DGCR2: variants seen among roughly 807,000 people sequenced by gnomAD.
DGCR2 encodes DiGeorge syndrome critical region gene 2.
DGCR2 carries 24 observed loss-of-function variants against 51.6 expected under a neutral mutation model. The ratio of observed to expected loss-of-function variants is 0.47; its 90% CI spans 0.34 to 0.65. The LOEUF (loss-of-function observed/expected upper bound fraction) is 0.65. DGCR2 is among the 30% of genes least tolerant of loss of function. The pLI, the probability that DGCR2 is intolerant of heterozygous loss-of-function variation, is 0.01. For synonymous variants in DGCR2, 340 were observed against 315.4 expected, an observed-to-expected ratio of 1.08 and a Z score of -0.82; for missense variants, 765 against 772.1, an observed-to-expected ratio of 0.99 and a Z score of 0.11.
At chr22:19,061,816 C>T (rs1034246458) in intron 5 of DGCR2, 42 of 152,306 alleles carry the variant, frequency 2.8e-4, no homozygotes, top group African/African-American at 9.4e-4. Flanking sequence ...GCCCCTTGCA[C>T]GTTGAGCCAC....
chr22:19,083,911 G>A (rs927150139), intron 2 of DGCR2, among the ~76,000 whole-genome samples: 2 of 152,128 alleles, frequency 1.3e-5, no homozygotes, highest in Admixed American at 6.5e-5. Context: ...TGGTGGAGAC[G>A]GGGTTTTGCT....
chr22:19,108,376 G>A (rs572997440), intron 1 of DGCR2, among the ~76,000 whole-genome samples: 1 of 151,940 alleles, frequency 6.6e-6, no homozygotes, highest in African/African-American at 2.4e-5. Flanking sequence ...TTGGAGACCA[G>A]CTTGGGCAAC....
At chr22:19,073,755 G>A (rs1036344940) in intron 2 of DGCR2, among the ~76,000 whole-genome samples, 13 of 152,232 alleles carry the variant, frequency 8.5e-5, no homozygotes, top group Admixed American at 7.2e-4. Flanking sequence ...CTTCAGACAT[G>A]CAAACAAGGA....
At position 19,068,231 on chromosome 22, in the gene DGCR2, A is replaced by C; in HGVS notation, c.203-6T>G. On this transcript the variant is annotated splice_region_variant and splice_polypyrimidine_tract_variant and intron_variant, in intron 2 of 9. Transcript: ENST00000263196. Reference sequence around the variant, plus strand: ...ACGCACCTCCCCGGTCACTTCTGAAAGCAAAAGGAGATGTGTGCTGTGAGT... The same window carrying C: ...ACGCACCTCCCCGGTCACTTCTGAACGCAAAAGGAGATGTGTGCTGTGAGT... 6.3e-7 allele frequency: 1 copy of C among 1,587,046 alleles called. No individual in the cohort carries two copies. Among genetic ancestry groups the C allele is most frequent in the South Asian group, 1.1e-5 (1 of 87,062 alleles).
At chr22:19,046,256 G>A (rs972416752) in intron 7 of DGCR2, 2 of 151,988 alleles carry the variant, frequency 1.3e-5, no homozygotes, top group South Asian at 2.1e-4. Context: ...TTATAATTGG[G>A]TATTTCATTT....
chr22:19,113,565 G>C (rs1030842097), intron 1 of DGCR2, among the ~76,000 whole-genome samples: 2 of 152,076 alleles, frequency 1.3e-5, no homozygotes, highest in Non-Finnish European at 2.9e-5. Flanking sequence ...CCAGCGCTCT[G>C]TGGGAAAATG....
chr22:19,057,453 G>A lies in DGCR2; in HGVS notation c.626-291C>T, dbSNP rs770254554. On this transcript the variant is annotated intron_variant, in intron 5 of 9. Transcript: ENST00000263196. The surrounding 1 kb of genome is among the most constrained non-coding windows in gnomAD (Gnocchi z 5.1). ...GCACCAGAAGAGGGTGCTGGATCAC[G>A]GTTAGTGGGTGGCATTTAAAGTTAG... Among the ~76,000 whole-genome samples, 3 of 152,236 alleles carry A rather than the reference G, an allele frequency of 2.0e-5. No individual in the cohort carries two copies. The highest frequency in any genetic ancestry group is 2.9e-5 in the Non-Finnish European group (2 of 68,044).
chr22:19,097,382 C>T (rs758938711), intron 1 of DGCR2, among the ~76,000 whole-genome samples: 6 of 152,080 alleles, frequency 3.9e-5, no homozygotes, highest in Non-Finnish European at 7.4e-5. Context: ...GTTGAAACCT[C>T]GTCTCTACTA....
rs964575049 is a variant in DGCR2, at chr22:19,057,340, C to A, written c.626-178G>T. ...GACTCCCCAACCTCCTGGGAGTCAC[C>A]CCAGGTGCTGGGCCTAGCGGGAGCC... On this transcript the variant is annotated intron_variant, in intron 5 of 9. Coordinates refer to ENST00000263196, the MANE Select transcript of DGCR2 (RefSeq NM_005137.3). This position sits in a 1 kb window ranked among gnomAD's most constrained non-coding sequence, Gnocchi z 5.1. Among the ~76,000 whole-genome samples, 2 of 152,164 alleles carry A rather than the reference C, an allele frequency of 1.3e-5. No individual in the cohort carries two copies. Among genetic ancestry groups the A allele is most frequent in the Non-Finnish European group, 2.9e-5 (2 of 68,030 alleles).
chr22:19,048,904 C>G (rs1028607099), intron 6 of DGCR2, among the ~76,000 whole-genome samples: 1 of 152,210 alleles, frequency 6.6e-6, no homozygotes, highest in Admixed American at 6.5e-5. Context: ...ACCTTCCCCA[C>G]CTGGGCCTGG....
chr22:19,055,212 CAT>C (rs1207455780), intron 6 of DGCR2, among the ~76,000 whole-genome samples: 1 of 151,978 alleles, frequency 6.6e-6, no homozygotes, highest in African/African-American at 2.4e-5. Context: ...GATGGTTTAA[CAT>C]AAGAAAATCC....
At chr22:19,104,951 C>A (rs2083246076) in intron 1 of DGCR2, among the ~76,000 whole-genome samples, 1 of 152,212 alleles carries the variant, frequency 6.6e-6, no homozygotes, top group Non-Finnish European at 1.5e-5. Context: ...AACAGGCGAC[C>A]ACGCATCTCC....
chr22:19,110,363 C>T (rs753869206), intron 1 of DGCR2, among the ~76,000 whole-genome samples: 4 of 152,104 alleles, frequency 2.6e-5, no homozygotes, highest in African/African-American at 4.8e-5. Context: ...TTTGTGTGGA[C>T]ACAGCAGGGG....
intron 2 of DGCR2, among the ~76,000 whole-genome samples, chr22:19,075,247 G>T (rs1280344510): frequency 2.0e-5 from 3 of 152,240 alleles, no homozygotes; most frequent in African/African-American, 7.2e-5. Flanking sequence ...CTAACACAGT[G>T]AAACCCCATC....
chr22:19,046,764 C>T (rs1350131235), intron 7 of DGCR2: 1 of 446,490 alleles, frequency 2.2e-6, no homozygotes, highest in African/African-American at 2.0e-5. Context: ...TCTGGCCGTG[C>T]AGGAGAGAGG....
intron 2 of DGCR2, among the ~76,000 whole-genome samples, chr22:19,073,048 G>A (rs558752837): frequency 1.2e-4 from 19 of 152,178 alleles, no homozygotes; most frequent in South Asian, 6.2e-4. Flanking sequence ...CTTGAGGCCA[G>A]GAGTTGGAGA....
At chr22:19,050,409 A>G (rs1225402866) in intron 6 of DGCR2, among the ~76,000 whole-genome samples, 1 of 152,242 alleles carries the variant, frequency 6.6e-6, no homozygotes, top group Non-Finnish European at 1.5e-5. Context: ...TTTCCCAGAC[A>G]AACAACAAGT....
In DGCR2 at chr22:19,113,353, A is replaced by G. The variant is rs533533689; in HGVS notation, c.79+8775T>C. Among the ~76,000 whole-genome samples, 5 of 151,570 alleles carry G rather than the reference A, an allele frequency of 3.3e-5. No individual in the cohort carries two copies. In the South Asian group the frequency reaches 1.0e-3, roughly 32 times the overall value. On this transcript the variant is annotated intron_variant, in intron 1 of 9. Transcript: ENST00000263196. ...CCACTGCACTCCAGCCTGGCAACAG[A>G]GCGAGACTCCGTCTCAAAAAAATAA... is the stretch of plus-strand genomic sequence containing the variant.
chr22:19,093,450 A>T (rs2083102745), intron 1 of DGCR2, among the ~76,000 whole-genome samples: 2 of 152,122 alleles, frequency 1.3e-5, no homozygotes, highest in Non-Finnish European at 2.9e-5. Context: ...ACAAGAAGAA[A>T]ATCTTCGCAC....
Sources: allele counts gnomAD v4.1 joint callset (sites outside exome capture counted in the v4.1 genomes callset), GRCh38; gene constraint gnomAD v4.1.1; non-coding constraint Gnocchi (gnomAD v3.1); transcripts MANE v1.5; gene names NCBI Gene and HGNC (gene_info 2026-07-23, HGNC 2026-07-21).